TYR: variants seen among roughly 807,000 people sequenced by gnomAD.
The protein encoded by TYR is tyrosinase.
A neutral mutation model predicts 51.5 loss-of-function variants in TYR; 58 were observed. That is an observed-to-expected ratio of 1.13 (90% confidence interval 0.91 to 1.40). The LOEUF (loss-of-function observed/expected upper bound fraction) is 1.40. Among genes scored for constraint, TYR ranks in the 40% most tolerant of loss-of-function variants. The pLI, the probability that TYR is intolerant of heterozygous loss-of-function variation, is 0.00. For missense variants in TYR, 732 were observed against 647.4 expected (o/e 1.13, Z -1.42); for synonymous variants, 263 against 235.2 (o/e 1.12, Z -1.08).
At chr11:89,234,604 AGGGTTATTAATT>A (rs1310162403) in intron 3 of TYR, among the ~76,000 whole-genome samples, 3 of 142,656 alleles carry the variant, frequency 2.1e-5, no homozygotes, top group African/African-American at 8.3e-5. Context: ...AGGCCATTTT[AGGGTTATTAATT>A]GGCCCAATCT....
At chr11:89,217,672 T>C (rs578107451) in intron 2 of TYR, among the ~76,000 whole-genome samples, 1 of 152,340 alleles carries the variant, frequency 6.6e-6, no homozygotes, top group East Asian at 1.9e-4. Flanking sequence ...TTCGTTGTTT[T>C]ATTTTTCCCT....
chr11:89,180,128 G>A (rs748937503), intron 1 of TYR, among the ~76,000 whole-genome samples: 19 of 152,148 alleles, frequency 1.2e-4, no homozygotes, highest in Admixed American at 2.0e-4. Flanking sequence ...AATGTAATGG[G>A]TTTTGTGCAG....
At chr11:89,242,986 C>G (rs943767221) in intron 3 of TYR, among the ~76,000 whole-genome samples, 1 of 152,134 alleles carries the variant, frequency 6.6e-6, no homozygotes, top group Non-Finnish European at 1.5e-5. Flanking sequence ...ATAATTCCAC[C>G]TTTGTCAGCG....
rs141585994 is a variant in TYR at position 89,251,459 on chromosome 11, C to A, written c.1184+23489C>A. On this transcript the variant is annotated intron_variant, in intron 3 of 4. Coordinates refer to ENST00000263321, the MANE Select transcript of TYR (RefSeq NM_000372.5). ...AAAGTAAAGCATGCCCAAGATACATCTTGTTAAGTACAAAATGTCACAACA... is the reference window on the plus strand; with the variant it reads ...AAAGTAAAGCATGCCCAAGATACATATTGTTAAGTACAAAATGTCACAACA... 8.8e-3 allele frequency among the ~76,000 whole-genome samples: 1,338 copies of A among 151,834 alleles called. 15 individuals are homozygous for A. The highest frequency in any genetic ancestry group is 0.03 in the African/African-American group (1,234 of 41,488).
At chr11:89,184,211 A>G (rs1459920851) in intron 1 of TYR, among the ~76,000 whole-genome samples, 4 of 151,372 alleles carry the variant, frequency 2.6e-5, no homozygotes, top group Admixed American at 6.6e-5. Flanking sequence ...TCATCCGAAC[A>G]CTTAGTCACT....
At chr11:89,249,921 A>G (rs932182855) in intron 3 of TYR, among the ~76,000 whole-genome samples, 6 of 152,148 alleles carry the variant, frequency 3.9e-5, no homozygotes, top group Non-Finnish European at 7.4e-5. Context: ...AGCTTCCTTC[A>G]TGCCTGAATG....
chr11:89,178,956 T>C (rs1012381892), intron 1 of TYR, among the ~76,000 whole-genome samples, 184 bp downstream of exon 1: 5 of 152,186 alleles, frequency 3.3e-5, no homozygotes, highest in Non-Finnish European at 7.4e-5. Flanking sequence ...TAGATATTTG[T>C]GTAATTATTT....
chr11:89,237,531 T>A (rs983186243), intron 3 of TYR, among the ~76,000 whole-genome samples: 55 of 152,306 alleles, frequency 3.6e-4, no homozygotes, highest in Admixed American at 1.1e-3. Context: ...GGGATGTCTA[T>A]TCTTTTCCAT....
At chr11:89,213,594 GATC>G (rs1204331329) in intron 2 of TYR, among the ~76,000 whole-genome samples, 2 of 152,070 alleles carry the variant, frequency 1.3e-5, no homozygotes, top group Non-Finnish European at 2.9e-5. Flanking sequence ...CTACTTTAAA[GATC>G]ATATGGAACC....
chr11:89,235,094 T>C (rs59495427), intron 3 of TYR, among the ~76,000 whole-genome samples: 3,529 of 152,172 alleles, frequency 0.023, 136 homozygotes, highest in African/African-American at 0.08. Flanking sequence ...TCAATATCAC[T>C]AATAACCTGT....
chr11:89,287,685 T>TC (rs1304875942), intron 4 of TYR, among the ~76,000 whole-genome samples: 1 of 151,938 alleles, frequency 6.6e-6, no homozygotes, highest in African/African-American at 2.4e-5. Flanking sequence ...ATTGTTAGAA[T>TC]AATGCAAGCC....
chr11:89,273,332 G>A lies in TYR; in HGVS notation c.1185-11441G>A, dbSNP rs545313534. ...AATTTCAATATTGCTATGTGTCAGA[G>A]AATAGGGAGGCCTGAAGAGAGGGAG... On this transcript the variant is annotated intron_variant, in intron 3 of 4. Transcript: ENST00000263321. 3.3e-5 allele frequency among the ~76,000 whole-genome samples: 5 copies of A among 151,900 alleles called. No individual in the cohort carries two copies. In the East Asian group the frequency reaches 9.7e-4, roughly 30 times the overall value.
At chr11:89,181,434 C>T (rs1943297707) in intron 1 of TYR, among the ~76,000 whole-genome samples, 1 of 152,160 alleles carries the variant, frequency 6.6e-6, no homozygotes, top group African/African-American at 2.4e-5. Flanking sequence ...TACAAAAACG[C>T]ATGTTCTGTA....
intron 1 of TYR, among the ~76,000 whole-genome samples, chr11:89,189,448 CAA>C (rs34865967): frequency 6.9e-6 from 1 of 144,034 alleles, no homozygotes; most frequent in African/African-American, 2.5e-5. Context: ...TACTGCACAT[CAA>C]AAAAAAAAGG....
Position 89,258,859 on chromosome 11 carries a change from A to G in TYR, c.1185-25914A>G, listed in dbSNP as rs546602491. 1.2e-4 allele frequency among the ~76,000 whole-genome samples: 19 copies of G among 152,188 alleles called. 1 individual carries two copies. In the South Asian group the frequency reaches 3.7e-3, roughly 30 times the overall value. On this transcript the variant is annotated intron_variant, in intron 3 of 4. Coordinates refer to ENST00000263321, the MANE Select transcript of TYR (RefSeq NM_000372.5). ...GGCTCTGATAAAACACCATTCCTTC[A>G]GAGCAGAGTGGGGAGCAGCCAGTGC... is the stretch of plus-strand genomic sequence containing the variant.
chr11:89,188,042 T>C (rs1040005035), intron 1 of TYR, among the ~76,000 whole-genome samples: 2 of 150,532 alleles, frequency 1.3e-5, no homozygotes, highest in Non-Finnish European at 3.0e-5. Flanking sequence ...ACATTATATA[T>C]AATATTTTAT....
At chr11:89,224,927 C>G (rs545420913) in intron 2 of TYR, among the ~76,000 whole-genome samples, 11 of 113,616 alleles carry the variant, frequency 9.7e-5, no homozygotes, top group Middle Eastern at 4.1e-3. Flanking sequence ...ATTGTAAAAA[C>G]TATTTTTTTT....
At chr11:89,190,953 C>G (rs1943435217) in intron 1 of TYR, among the ~76,000 whole-genome samples, 1 of 152,124 alleles carries the variant, frequency 6.6e-6, no homozygotes, top group African/African-American at 2.4e-5. Flanking sequence ...TTTTACCAAA[C>G]AGCCAAGATG....
chr11:89,221,753 CTTCTTT>C (rs1943914471), intron 2 of TYR, among the ~76,000 whole-genome samples: 1 of 152,186 alleles, frequency 6.6e-6, no homozygotes, highest in South Asian at 2.1e-4. Flanking sequence ...CATTTTCTAT[CTTCTTT>C]TTATTTCCTC....
Sources: gnomAD v4.1 joint callset for allele counts (sites outside exome capture counted in the v4.1 genomes callset) on GRCh38, gnomAD v4.1.1 for gene constraint, MANE v1.5 for transcripts, NCBI Gene and HGNC (gene_info 2026-07-23, HGNC 2026-07-21) for gene names.